The following NXPE2 variants were observed in gnomAD, a reference collection of about 807,000 sequenced individuals.
The protein encoded by NXPE2 is neurexophilin and PC-esterase domain family member 2.
In NXPE2, 34 loss-of-function variants were observed where a neutral mutation model predicts 34.4. The observed-to-expected ratio is 0.99, with a 90% CI of 0.75 to 1.31. NXPE2 has a LOEUF of 1.31. NXPE2 is among the 40% of genes most tolerant of loss of function. The probability of loss-of-function intolerance (pLI) is 0.00; values close to 1 mark genes in which losing one functional copy is unlikely to be tolerated. For missense variants in NXPE2, 649 were observed against 672.5 expected (o/e 0.97, Z 0.39); for synonymous variants, 235 against 231.3 (o/e 1.02, Z -0.15).
At chr11:114,512,876 C>T in the NXPE2 span, 1 of 242,406 alleles carries the variant, frequency 4.1e-6, no homozygotes, top group Non-Finnish European at 8.2e-6. Flanking sequence ...CACAATTCAG[C>T]ACTTGAGTTT....
the NXPE2 span, among the ~76,000 whole-genome samples, chr11:114,626,862 C>T: frequency 3.3e-5 from 5 of 151,440 alleles, no homozygotes; most frequent in Non-Finnish European, 5.9e-5. Context: ...TCGAGAACTA[C>T]GTGAAGAATG....
At chr11:114,621,002 G>C in the NXPE2 span, among the ~76,000 whole-genome samples, 1 of 151,526 alleles carries the variant, frequency 6.6e-6, no homozygotes, top group Admixed American at 6.6e-5. Context: ...CTGGATAATA[G>C]GTGTTGTCTC....
At chr11:114,763,949 T>A in the NXPE2 span, among the ~76,000 whole-genome samples, 1 of 152,198 alleles carries the variant, frequency 6.6e-6, no homozygotes, top group South Asian at 2.1e-4. Context: ...TTTCGTTTGA[T>A]GCTATGCACC....
chr11:114,811,344 AAT>A, the NXPE2 span, among the ~76,000 whole-genome samples: 1 of 42,658 alleles, frequency 2.3e-5, no homozygotes, highest in African/African-American at 6.5e-5. Flanking sequence ...ATAATAATAA[AAT>A]AAAAAAAATG....
the NXPE2 span, chr11:114,523,035 C>T: frequency 6.5e-4 from 1,054 of 1,613,720 alleles, 5 homozygotes; most frequent in African/African-American, 0.012. Flanking sequence ...AAAGTATAAC[C>T]ACCAGGGACA....
the NXPE2 span, among the ~76,000 whole-genome samples, chr11:114,564,149 C>T: frequency 4.6e-5 from 7 of 152,220 alleles, no homozygotes; most frequent in South Asian, 2.1e-4. Flanking sequence ...TAATGGCATT[C>T]GCAGCAACCT....
chr11:114,807,264 T>C, the NXPE2 span, among the ~76,000 whole-genome samples: 5 of 152,186 alleles, frequency 3.3e-5, no homozygotes, highest in African/African-American at 1.2e-4. Context: ...CCATCAAGGC[T>C]AGGAAGAAAC....
the NXPE2 span, among the ~76,000 whole-genome samples, chr11:114,474,294 G>A: frequency 1.3e-5 from 2 of 152,290 alleles, no homozygotes; most frequent in East Asian, 3.9e-4. Context: ...TGCAGTTAGA[G>A]AGGAGATCCA....
Position 114,698,055 on chromosome 11 carries a change from A to G in NXPE2, c.143A>G (p.Asn48Ser), listed in dbSNP as rs748727380. Reference sequence around the variant, plus strand: ...CTTTCAATATTTCAGTTCTCGTTCAACTTGGAAAACCATATTATCCTGAAC... The same window carrying G: ...CTTTCAATATTTCAGTTCTCGTTCAGCTTGGAAAACCATATTATCCTGAAC... ...ASKDHTKFSFNLENHIILNQG... is the reference protein window; with the variant it reads ...ASKDHTKFSFSLENHIILNQG... Residue 48 changes from asparagine to serine, a missense_variant, in exon 3 of 6, where the codon AAC (asparagine) becomes AGC (serine). Transcript: ENST00000389586. 5 of 1,509,186 alleles carry G rather than the reference A, an allele frequency of 3.3e-6. No homozygotes were observed. Among genetic ancestry groups the G allele is most frequent in the African/African-American group, 1.4e-5 (1 of 71,660 alleles). The allele number at this position is 1,509,186 out of a possible 1,614,324, so 93.5% of individuals were successfully genotyped here.
chr11:114,528,225 T>C, the NXPE2 span, among the ~76,000 whole-genome samples: 1 of 152,180 alleles, frequency 6.6e-6, no homozygotes, highest in African/African-American at 2.4e-5. Context: ...CTATTCAAGT[T>C]TGCAGAATAG....
chr11:114,582,865 G>C, the NXPE2 span: 1 of 1,614,200 alleles, frequency 6.2e-7, no homozygotes, highest in Non-Finnish European at 8.5e-7. Context: ...AAAGGTCTGG[G>C]TGGGATCTGC....
At chr11:114,813,236 G>C in the NXPE2 span, among the ~76,000 whole-genome samples, 1 of 152,232 alleles carries the variant, frequency 6.6e-6, no homozygotes, top group Admixed American at 6.5e-5. Context: ...GCTGCCATGA[G>C]ATCCTCCCTC....
the NXPE2 span, among the ~76,000 whole-genome samples, chr11:114,470,597 G>GTGTA: frequency 1.3e-5 from 1 of 79,764 alleles, no homozygotes; most frequent in Non-Finnish European, 2.7e-5. Context: ...GTGTGTGTGT[G>GTGTA]TGTGTGTGTG....
chr11:114,533,647 C>A, the NXPE2 span, among the ~76,000 whole-genome samples: 569 of 152,364 alleles, frequency 3.7e-3, 4 homozygotes, highest in African/African-American at 0.011. Context: ...TATCCCGCAC[C>A]TGGCTCAGAG....
At chr11:114,802,384 A>G in the NXPE2 span, among the ~76,000 whole-genome samples, 1 of 152,228 alleles carries the variant, frequency 6.6e-6, no homozygotes, top group South Asian at 2.1e-4. Flanking sequence ...TCATCTTAGA[A>G]AAAGTCTTCC....
the NXPE2 span, among the ~76,000 whole-genome samples, chr11:114,672,257 A>G: frequency 6.6e-6 from 1 of 151,962 alleles, no homozygotes; most frequent in African/African-American, 2.4e-5. Context: ...AAAAGCAACT[A>G]TAGAACATAA....
chr11:114,630,309 T>G, the NXPE2 span, among the ~76,000 whole-genome samples: 1 of 151,804 alleles, frequency 6.6e-6, no homozygotes, highest in Non-Finnish European at 1.5e-5. Flanking sequence ...AGCATGGTAC[T>G]GGTACCAAAA....
the NXPE2 span, chr11:114,571,551 T>C: frequency 8.0e-7 from 1 of 1,249,554 alleles, no homozygotes; most frequent in South Asian, 1.5e-5. Context: ...ATGGAAGAGA[T>C]TTGATTGGTA....
At chr11:114,741,565 T>A in the NXPE2 span, among the ~76,000 whole-genome samples, 1 of 152,206 alleles carries the variant, frequency 6.6e-6, no homozygotes, top group African/African-American at 2.4e-5. Context: ...AATTCACAGA[T>A]TCTTTCTTTT....
Sources: gnomAD v4.1 joint callset for allele counts (sites outside exome capture counted in the v4.1 genomes callset) on GRCh38, gnomAD v4.1.1 for gene constraint, MANE v1.5 for transcripts, NCBI Gene and HGNC (gene_info 2026-07-23, HGNC 2026-07-21) for gene names.